ADGRL2: variants seen among roughly 807,000 people sequenced by gnomAD.
The protein encoded by ADGRL2 is adhesion G protein-coupled receptor L2, also known as calcium-independent alpha-latrotoxin receptor 2.
A neutral mutation model predicts 157.4 loss-of-function variants in ADGRL2; 44 were observed. The ratio of observed to expected loss-of-function variants is 0.28; its 90% CI spans 0.22 to 0.36. The LOEUF (loss-of-function observed/expected upper bound fraction) is 0.36. Ranked by LOEUF, ADGRL2 falls within the 10% of genes least tolerant of loss-of-function variation. ADGRL2 has a pLI of 1.00. For missense variants in ADGRL2, 1,510 were observed against 1,768.9 expected, an observed-to-expected ratio of 0.85 and a Z score of 2.63; for synonymous variants, 585 against 624.7, an observed-to-expected ratio of 0.94 and a Z score of 0.95.
chr1:81,757,462 A>T (rs1428244991), intron 1 of ADGRL2, among the ~76,000 whole-genome samples: 1 of 152,202 alleles, frequency 6.6e-6, no homozygotes, highest in Non-Finnish European at 1.5e-5. Context: ...GGCCAATCAC[A>T]GTGGCCAAAT....
At chr1:81,627,476 T>C (rs2081933464) in intron 3 of ADGRL2, among the ~76,000 whole-genome samples, 1 of 152,202 alleles carries the variant, frequency 6.6e-6, no homozygotes, top group African/African-American at 2.4e-5. Flanking sequence ...ATAGCTATCA[T>C]TTACTGAGAG....
At chr1:81,796,115 C>T (rs540993308), upstream of ADGRL2, among the ~76,000 whole-genome samples, 27 of 152,224 alleles carry the variant, frequency 1.8e-4, no homozygotes, top group Admixed American at 5.2e-4. Context: ...CTCAGCCTCC[C>T]GAGTAGATGG....
chr1:81,818,205 CA>C (rs1208153163), intron 1 of ADGRL2, among the ~76,000 whole-genome samples: 1 of 152,002 alleles, frequency 6.6e-6, no homozygotes, highest in African/African-American at 2.4e-5. Flanking sequence ...ATAAAAATCA[CA>C]ATCATATTAA....
intron 3 of ADGRL2, among the ~76,000 whole-genome samples, chr1:81,908,745 ATCCAT>A (rs1156466041): frequency 6.6e-6 from 1 of 152,132 alleles, no homozygotes; most frequent in African/African-American, 2.4e-5. Flanking sequence ...AGTGTTTGAA[ATCCAT>A]TCTATTAAGT....
At chr1:81,539,110 A>C (rs1290116490) in intron 2 of ADGRL2, among the ~76,000 whole-genome samples, 1 of 152,126 alleles carries the variant, frequency 6.6e-6, no homozygotes, top group African/African-American at 2.4e-5. Context: ...TGTGAAACAG[A>C]ATTAGGTGTG....
intron 1 of ADGRL2, among the ~76,000 whole-genome samples, chr1:81,704,253 C>T (rs2083663189): frequency 6.6e-6 from 1 of 152,238 alleles, no homozygotes; most frequent in Non-Finnish European, 1.5e-5. Flanking sequence ...CCCTAAAAGT[C>T]TGACTGTCTG....
In ADGRL2 at chr1:81,664,151, ATCCTCCG is replaced by A. The variant is rs538513795; in HGVS notation, c.-143+83173_-143+83179del. On this transcript the variant is annotated intron_variant, in intron 3 of 24. Coordinates refer to the ADGRL2 transcript ENST00000370721. ...TTATCCAGATCCGGAAAATCTTTGT[ATCCTCCG>A]TGCCCAACACAAAGCTTTATAACTA... 3.3e-4 allele frequency among the ~76,000 whole-genome samples: 51 copies of A among 152,258 alleles called. 1 individual carries two copies. The East Asian group carries it at 9.1e-3, about 27-fold the overall frequency.
intron 1 of ADGRL2, among the ~76,000 whole-genome samples, chr1:81,718,648 A>G (rs1189296685): frequency 6.6e-6 from 1 of 152,244 alleles, no homozygotes; most frequent in Non-Finnish European, 1.5e-5. Context: ...TGGAATTTAC[A>G]TAAAAATCCT....
At chr1:81,639,550 A>AG (rs1317026126) in intron 3 of ADGRL2, among the ~76,000 whole-genome samples, 4 of 149,478 alleles carry the variant, frequency 2.7e-5, no homozygotes, top group Non-Finnish European at 6.0e-5. Context: ...CAAAAAAAAA[A>AG]AAAAAAAAAA....
intron 2 of ADGRL2, among the ~76,000 whole-genome samples, chr1:81,567,465 A>G (rs2080588812): frequency 6.6e-6 from 1 of 152,116 alleles, no homozygotes; most frequent in African/African-American, 2.4e-5. Flanking sequence ...TAAGGAAAAT[A>G]TGTAGGGCAC....
chr1:81,757,751 C>A lies in ADGRL2; in HGVS notation c.-142-4060C>A, dbSNP rs538745806. On this transcript the variant is annotated intron_variant, in intron 1 of 20. Coordinates refer to the ADGRL2 transcript ENST00000359929. ...TTTATTTTATCAAAAGTTAGCTTTT[C>A]TTGTTGCAAAACTACTCACCAGCTC... Among the ~76,000 whole-genome samples the A allele has an allele frequency of 1.1e-4, 17 of 152,252 alleles. No homozygotes were observed. The South Asian group carries it at 3.5e-3, about 32-fold the overall frequency.
In ADGRL2 at chr1:81,356,573, T is replaced by C. The variant is rs533908315; in HGVS notation, c.-302+50064T>C. On this transcript the variant is annotated intron_variant, in intron 1 of 24. Transcript: ENST00000370721. ...TGATTATTTTCTCTGCATTATGAAG[T>C]GATATGTACTCAAGACTCTTCTGAC... is the stretch of plus-strand genomic sequence containing the variant. Among the ~76,000 whole-genome samples the C allele has an allele frequency of 2.0e-5, 3 of 152,236 alleles. No individual in the cohort carries two copies. The South Asian group carries it at 6.2e-4, about 32-fold the overall frequency.
chr1:81,757,533 T>A (rs2149292398), intron 1 of ADGRL2, among the ~76,000 whole-genome samples: 1 of 152,276 alleles, frequency 6.6e-6, no homozygotes, highest in South Asian at 2.1e-4. Flanking sequence ...AACACCAATC[T>A]GTAACCAATC....
chr1:81,538,933 G>A (rs1216725187), intron 2 of ADGRL2, among the ~76,000 whole-genome samples: 1 of 151,040 alleles, frequency 6.6e-6, no homozygotes, highest in Non-Finnish European at 1.5e-5. Flanking sequence ...GCTTGAGCCT[G>A]GAAGGCGGAA....
chr1:81,491,434 C>T (rs1056901189), intron 2 of ADGRL2, among the ~76,000 whole-genome samples: 4 of 146,204 alleles, frequency 2.7e-5, no homozygotes, highest in Admixed American at 1.3e-4. Flanking sequence ...GCTATATATA[C>T]TCTGCTTCAA....
intron 1 of ADGRL2, among the ~76,000 whole-genome samples, chr1:81,317,718 A>T (rs1557591338): frequency 6.6e-6 from 1 of 152,232 alleles, no homozygotes; most frequent in East Asian, 1.9e-4. Context: ...GACTGAAAAT[A>T]TAACTGTTCT....
At chr1:81,968,253 C>T (rs1206647703) in intron 14 of ADGRL2, 54 bp downstream of exon 14, 1 of 1,462,478 alleles carries the variant, frequency 6.8e-7, no homozygotes, top group Non-Finnish European at 9.5e-7. Context: ...AGATTCAAAA[C>T]AGCTTGTATA....
intron 1 of ADGRL2, among the ~76,000 whole-genome samples, chr1:81,705,937 G>A (rs867341273): frequency 1.3e-5 from 2 of 151,962 alleles, no homozygotes; most frequent in Non-Finnish European, 2.9e-5. Context: ...GGGGCCAGGC[G>A]CGGTGGCTCA....
intron 2 of ADGRL2, among the ~76,000 whole-genome samples, chr1:81,774,439 T>C (rs1210704596): frequency 6.6e-6 from 1 of 152,204 alleles, no homozygotes; most frequent in Non-Finnish European, 1.5e-5. Flanking sequence ...GAGTCCATGG[T>C]TCCCAAACTT....
Sources: allele counts gnomAD v4.1 joint callset (sites outside exome capture counted in the v4.1 genomes callset), GRCh38; gene constraint gnomAD v4.1.1; transcripts MANE v1.5; gene names NCBI Gene and HGNC (gene_info 2026-07-23, HGNC 2026-07-21).